The following JAKMIP2 variants were observed in gnomAD, a reference collection of about 807,000 sequenced individuals.
The protein encoded by JAKMIP2 is janus kinase and microtubule-interacting protein 2.
Under a neutral mutation model 115.0 loss-of-function variants are expected in JAKMIP2, and 25 were observed. The ratio of observed to expected loss-of-function variants is 0.22; its 90% CI spans 0.16 to 0.30. The LOEUF (loss-of-function observed/expected upper bound fraction) is 0.30, where lower values mean the gene tolerates loss of function less well. Among genes scored for constraint, JAKMIP2 ranks in the 10% least tolerant of loss-of-function variants. The probability of loss-of-function intolerance (pLI) is 1.00; values close to 1 mark genes in which losing one functional copy is unlikely to be tolerated. For synonymous variants in JAKMIP2, 334 were observed against 343.6 expected, an observed-to-expected ratio of 0.97 and a Z score of 0.31; for missense variants, 642 against 957.6, an observed-to-expected ratio of 0.67 and a Z score of 4.35.
chr5:147,627,697 A>AAC (rs1183677529), intron 16 of JAKMIP2, among the ~76,000 whole-genome samples: 9 of 150,882 alleles, frequency 6.0e-5, no homozygotes, highest in African/African-American at 1.7e-4. Context: ...AAAAAAAAAA[A>AAC]AAAAAAACCC....
chr5:147,744,752 T>G (rs925327725), intron 1 of JAKMIP2, among the ~76,000 whole-genome samples: 1 of 152,110 alleles, frequency 6.6e-6, no homozygotes, highest in African/African-American at 2.4e-5. Flanking sequence ...ACCCAGATCC[T>G]TGTGTGGATA....
intron 1 of JAKMIP2, among the ~76,000 whole-genome samples, chr5:147,719,672 C>A (rs1348328842): frequency 1.1e-4 from 17 of 150,832 alleles, no homozygotes. Flanking sequence ...GATTGCAACC[C>A]CTGCCTTTTT....
intron 1 of JAKMIP2, among the ~76,000 whole-genome samples, chr5:147,688,525 CTAA>C (rs1413282346): frequency 1.3e-5 from 2 of 152,098 alleles, no homozygotes; most frequent in Admixed American, 6.6e-5. Context: ...TTAAATGCAA[CTAA>C]TAATAATAAA....
At chr5:147,771,987 G>A (rs573024285) in intron 1 of JAKMIP2, among the ~76,000 whole-genome samples, 2 of 151,992 alleles carry the variant, frequency 1.3e-5, no homozygotes, top group Non-Finnish European at 2.9e-5. Flanking sequence ...CCACATACAG[G>A]AACCATAGAT....
At chr5:147,630,862 C>T (rs79465959) in intron 14 of JAKMIP2, among the ~76,000 whole-genome samples, 4,540 of 152,262 alleles carry the variant, frequency 0.03, 101 homozygotes, top group Non-Finnish European at 0.043. Context: ...TAAAATATAT[C>T]CAGTAGCACT....
rs1751875934 is a variant in JAKMIP2, at chr5:147,691,884, G to C, written c.-148-19930C>G. Among the ~76,000 whole-genome samples the C allele has an allele frequency of 2.0e-5, 3 of 151,868 alleles. No homozygotes were observed. The South Asian group carries it at 6.2e-4, about 32-fold the overall frequency. On this transcript the variant is annotated intron_variant, in intron 1 of 21. Transcript: ENST00000616793. Reference sequence around the variant, plus strand: ...CCTGTGTTTCCCTGTGCATGTGTTTGTCTCTGTGTCCTTCTCTCAAGTCTT... The same window carrying C: ...CCTGTGTTTCCCTGTGCATGTGTTTCTCTCTGTGTCCTTCTCTCAAGTCTT...
intron 4 of JAKMIP2, 85 bp from the exon 5 acceptor site, chr5:147,648,559 T>C (rs1758244582): frequency 1.3e-6 from 1 of 755,340 alleles, no homozygotes; most frequent in Admixed American, 1.9e-5. Context: ...ATAAAAGTAA[T>C]AGGCTCAGTT....
intron 1 of JAKMIP2, among the ~76,000 whole-genome samples, chr5:147,678,743 A>G (rs1760103773): frequency 6.6e-6 from 1 of 152,126 alleles, no homozygotes; most frequent in Non-Finnish European, 1.5e-5. Flanking sequence ...TGATGTACTT[A>G]TTTCACATTG....
intron 1 of JAKMIP2, among the ~76,000 whole-genome samples, chr5:147,697,714 A>G (rs1325501193): frequency 6.6e-6 from 1 of 152,234 alleles, no homozygotes; most frequent in East Asian, 1.9e-4. Flanking sequence ...CTTCCACATA[A>G]TGATGAGCCT....
At chr5:147,700,785 C>G (rs1380720048) in intron 1 of JAKMIP2, among the ~76,000 whole-genome samples, 2 of 152,154 alleles carry the variant, frequency 1.3e-5, no homozygotes, top group African/African-American at 2.4e-5. Flanking sequence ...GAATTTTAGT[C>G]CCCCTAAACT....
Position 147,686,653 on chromosome 5 carries a change from C to G in JAKMIP2, c.-148-14699G>C, listed in dbSNP as rs182682231. Among the ~76,000 whole-genome samples, 397 of 152,112 alleles carry G rather than the reference C, an allele frequency of 2.6e-3. 5 individuals are homozygous for G. The highest frequency in any genetic ancestry group is 9.0e-3 in the African/African-American group (372 of 41,486). On this transcript the variant is annotated intron_variant, in intron 1 of 21. Coordinates refer to ENST00000616793, the MANE Select transcript of JAKMIP2 (RefSeq NM_001270941.2). ...GCAAGAGTAAAGAATTCCTTAAACC[C>G]GCAAAATTTTAATGTTGTTCTTCCA...
chr5:147,661,267 G>A lies in JAKMIP2; in HGVS notation c.308C>T (p.Thr103Met), dbSNP rs773106379. 1.9e-6 allele frequency: 3 copies of A among 1,613,794 alleles called. No individual in the cohort carries two copies. Among genetic ancestry groups the A allele is most frequent in the South Asian group, 2.2e-5 (2 of 91,066 alleles). ...GATCTCTCCATCACGTACCTTCACC[G>A]TCCTTGACATTTCCTGCTCGTGCTG... ...IKQHEQEMSR[T>M]VKVRDGEIQR... is the part of the protein sequence containing the mutation. The change falls in exon 3 of 22, where the codon ACG becomes ATG. Residue 103 changes from threonine to methionine, a missense_variant. Transcript: ENST00000616793.
chr5:147,716,523 T>G (rs969084371), intron 1 of JAKMIP2, among the ~76,000 whole-genome samples: 1 of 152,026 alleles, frequency 6.6e-6, no homozygotes, highest in Non-Finnish European at 1.5e-5. Flanking sequence ...CCTGACTTTT[T>G]AATGATTGCC....
chr5:147,639,680 G>A lies in JAKMIP2; in HGVS notation c.1482C>T (p.Leu494=), dbSNP rs1462817352. The A allele has an allele frequency of 3.1e-6, 5 of 1,613,746 alleles. No homozygotes were observed. The South Asian group carries it at 5.5e-5, about 18-fold the overall frequency. Residue 494 remains leucine, a synonymous_variant, in exon 10 of 22, where the codon CTC becomes CTT. Coordinates refer to ENST00000616793, the MANE Select transcript of JAKMIP2 (RefSeq NM_001270941.2). ...EYQALQRAYA[L]LQEQTGGIID... is the part of the protein sequence containing the mutation. ...TGATGCCTCCCGTCTGCTCCTGTAG[G>A]AGGGCATATGCTCTTTGGAGGGCCT...
intron 1 of JAKMIP2, among the ~76,000 whole-genome samples, chr5:147,716,417 C>T (rs1355237660): frequency 6.8e-6 from 1 of 148,012 alleles, no homozygotes. Context: ...GAGGAATTGC[C>T]ACACTGACTT....
chr5:147,726,562 A>C (rs1753526239), intron 1 of JAKMIP2, among the ~76,000 whole-genome samples: 1 of 152,218 alleles, frequency 6.6e-6, no homozygotes, highest in African/African-American at 2.4e-5. Flanking sequence ...GTACGTCTGA[A>C]GCTGTAGCAA....
In JAKMIP2 at chr5:147,772,075, T is replaced by C. The variant is rs1405945999; in HGVS notation, c.-149+10381A>G. Among the ~76,000 whole-genome samples the C allele has an allele frequency of 2.6e-5, 4 of 152,246 alleles. No individual in the cohort carries two copies. In the East Asian group the frequency reaches 5.8e-4, roughly 22 times the overall value. On this transcript the variant is annotated intron_variant, in intron 1 of 21. Transcript: ENST00000616793. ...GACCTAAGATATACATATTAATATA[T>C]AATATCTGCCCTGTCTTTATTCTTG...
At chr5:147,719,550 T>C (rs1263687665) in intron 1 of JAKMIP2, among the ~76,000 whole-genome samples, 2 of 152,172 alleles carry the variant, frequency 1.3e-5, no homozygotes, top group Non-Finnish European at 2.9e-5. Flanking sequence ...GGTGCATATA[T>C]ATTCAGGATA....
At chr5:147,720,660 A>C (rs1580831991) in intron 1 of JAKMIP2, among the ~76,000 whole-genome samples, 1 of 151,920 alleles carries the variant, frequency 6.6e-6, no homozygotes, top group South Asian at 2.1e-4. Context: ...AGGCTTCTGC[A>C]TTCTTCACGT....
Sources: gnomAD v4.1 joint callset for allele counts (sites outside exome capture counted in the v4.1 genomes callset) on GRCh38, gnomAD v4.1.1 for gene constraint, MANE v1.5 for transcripts, NCBI Gene and HGNC (gene_info 2026-07-23, HGNC 2026-07-21) for gene names.